The following CNTLN variants were observed in gnomAD, a reference collection of about 807,000 sequenced individuals.
CNTLN encodes the protein centlein, centrosomal protein.
CNTLN carries 212 observed loss-of-function variants against 180.0 expected under a neutral mutation model. That is an observed-to-expected ratio of 1.18 (90% CI 1.05 to 1.32). The LOEUF (loss-of-function observed/expected upper bound fraction) is 1.32, where lower values mean the gene tolerates loss of function less well. Among genes scored for constraint, CNTLN ranks in the 40% most tolerant of loss-of-function variants. The pLI, the probability that CNTLN is intolerant of heterozygous loss-of-function variation, is 0.00. For missense variants in CNTLN, 2,095 were observed against 1,610.9 expected, an observed-to-expected ratio of 1.30 and a Z score of -5.14; for synonymous variants, 722 against 563.1, an observed-to-expected ratio of 1.28 and a Z score of -3.99.
At chr9:17,392,499 A>G (rs985964210) in intron 14 of CNTLN, among the ~76,000 whole-genome samples, 3 of 152,176 alleles carry the variant, frequency 2.0e-5, no homozygotes, top group Non-Finnish European at 4.4e-5. Context: ...ATTTTTTGTC[A>G]TATTAATCAG....
At chr9:17,293,488 C>T (rs1462032432) in intron 6 of CNTLN, among the ~76,000 whole-genome samples, 1 of 152,214 alleles carries the variant, frequency 6.6e-6, no homozygotes, top group Admixed American at 6.5e-5. Flanking sequence ...GAAATTCCTG[C>T]AGGAAGGTCC....
At chr9:17,201,370 C>G (rs1418808718) in intron 2 of CNTLN, among the ~76,000 whole-genome samples, 1 of 152,066 alleles carries the variant, frequency 6.6e-6, no homozygotes, top group Non-Finnish European at 1.5e-5. Context: ...GGGAGGAGTC[C>G]CTCTTTTTCT....
In CNTLN at chr9:17,236,588, G is replaced by T. The variant is rs1412261956; in HGVS notation, c.849G>T (p.Lys283Asn). The change falls in exon 5 of 26, where the codon AAG (lysine) becomes AAT (asparagine). Residue 283 changes from lysine (K) to asparagine (N), a missense_variant and splice_region_variant. Lys to Asn is a moderately conservative substitution (Grantham distance 94). Transcript: ENST00000380647. ...AATATAGCACTGATGCAAAAATAAA[G>T]GTATACAATAGGAATGGAATCCATA... ...KEKYSTDAKIKTFEDNLIEAR... is the reference protein window; with the variant it reads ...KEKYSTDAKINTFEDNLIEAR... The T allele has an allele frequency of 6.3e-7, 1 of 1,599,242 alleles. No individual in the cohort carries two copies. Among genetic ancestry groups the T allele is most frequent in the Non-Finnish European group, 8.5e-7 (1 of 1,174,160 alleles).
chr9:17,246,232 G>C (rs1825789101), intron 5 of CNTLN, among the ~76,000 whole-genome samples: 1 of 152,070 alleles, frequency 6.6e-6, no homozygotes, highest in African/African-American at 2.4e-5. Flanking sequence ...CTATGTCTTT[G>C]GTCATTGTAG....
intron 5 of CNTLN, among the ~76,000 whole-genome samples, chr9:17,261,765 G>A (rs960854427): frequency 1.8e-4 from 27 of 151,420 alleles, no homozygotes; most frequent in Non-Finnish European, 2.8e-4. Context: ...GTTCTGCACA[G>A]CAGAAGAAAC....
At chr9:17,424,288 A>C (rs1032510136) in intron 18 of CNTLN, among the ~76,000 whole-genome samples, 2 of 152,210 alleles carry the variant, frequency 1.3e-5, no homozygotes, top group African/African-American at 4.8e-5. Flanking sequence ...TTACTCTTCC[A>C]GTTTGAATGA....
intron 18 of CNTLN, among the ~76,000 whole-genome samples, chr9:17,430,244 C>A (rs542871011): frequency 6.6e-6 from 1 of 151,946 alleles, no homozygotes; most frequent in African/African-American, 2.4e-5. Context: ...TATTCCTGTT[C>A]CAGTCCGTGT....
chr9:17,383,751 T>C (rs1364085439), intron 13 of CNTLN, among the ~76,000 whole-genome samples: 1 of 151,654 alleles, frequency 6.6e-6, no homozygotes, highest in African/African-American at 2.4e-5. Flanking sequence ...CATTCTCCTG[T>C]CTCAGCCTCC....
chr9:17,170,546 T>G (rs560834958), intron 2 of CNTLN, among the ~76,000 whole-genome samples: 63 of 152,236 alleles, frequency 4.1e-4, no homozygotes, highest in Admixed American at 8.5e-4. Flanking sequence ...TTTCAAATTA[T>G]CTGTTTTTCA....
intron 18 of CNTLN, among the ~76,000 whole-genome samples, chr9:17,422,302 G>C (rs1027604437): frequency 1.3e-5 from 2 of 151,880 alleles, no homozygotes; most frequent in Non-Finnish European, 2.9e-5. Context: ...CTGCTCTTAG[G>C]ATCCTTTCTT....
At chr9:17,210,665 C>T (rs1410533883) in intron 2 of CNTLN, among the ~76,000 whole-genome samples, 1 of 152,228 alleles carries the variant, frequency 6.6e-6, no homozygotes, top group Non-Finnish European at 1.5e-5. Context: ...AACTAGTTTA[C>T]AGTCCCACCA....
rs1384048227 is a variant in CNTLN, at chr9:17,135,217, A to G, written c.152A>G (p.Asp51Gly). The change falls in exon 1 of 26, where the codon GAC becomes GGC. Residue 51 changes from aspartate (D) to glycine (G), a missense_variant. Physicochemically the swap from Asp to Gly is moderately conservative, Grantham distance 94. Coordinates refer to ENST00000380647, the MANE Select transcript of CNTLN (RefSeq NM_017738.4). ...FAGAAREVVA[D>G]ESDKIWVGEE... ...GGCGCAGCGCGGGAGGTGGTCGCGG[A>G]CGAAAGTGATAAAATCTGGGTGGGT... 1.2e-6 allele frequency: 2 copies of G among 1,610,350 alleles called. No homozygotes were observed. The highest frequency in any genetic ancestry group is 1.7e-6 in the Non-Finnish European group (2 of 1,178,782).
intron 12 of CNTLN, among the ~76,000 whole-genome samples, chr9:17,348,241 C>G (rs1313645761): frequency 5.9e-5 from 9 of 152,124 alleles, no homozygotes; most frequent in African/African-American, 1.9e-4. Context: ...AAGCTTTACA[C>G]CATCATAAAG....
chr9:17,288,339 G>C (rs1829129443), intron 6 of CNTLN, among the ~76,000 whole-genome samples: 1 of 118,004 alleles, frequency 8.5e-6, no homozygotes, highest in South Asian at 3.9e-4. Context: ...TCTTAATCCT[G>C]AGTTCTAGTT....
In CNTLN at chr9:17,298,175, G is replaced by T; in HGVS notation, c.984-15G>T. The T allele has an allele frequency of 1.4e-6, 2 of 1,416,912 alleles. No homozygotes were observed. Among genetic ancestry groups the T allele is most frequent in the Non-Finnish European group, 1.9e-6 (2 of 1,078,434 alleles). The allele number at this position is 1,416,912 out of a possible 1,614,324, so 87.8% of individuals were successfully genotyped here. ...TTATCCATACTTTTCTCTATTTATT[G>T]CTTGCTTTGCACAGGAAGGAACTGC... On this transcript the variant is annotated splice_polypyrimidine_tract_variant and intron_variant, in intron 6 of 25. Transcript: ENST00000380647.
chr9:17,203,771 A>G (rs1190210057), intron 2 of CNTLN, among the ~76,000 whole-genome samples: 2 of 152,078 alleles, frequency 1.3e-5, no homozygotes, highest in Non-Finnish European at 2.9e-5. Flanking sequence ...GTTAGCCAGG[A>G]TGGTCTTGAT....
At chr9:17,300,983 G>A in intron 7 of CNTLN, 1 of 983,532 alleles carries the variant, frequency 1.0e-6, no homozygotes, top group Non-Finnish European at 1.2e-6. Context: ...ACATTAAATG[G>A]TAGAAGCAAG....
chr9:17,358,302 A>T (rs190209291), intron 12 of CNTLN, among the ~76,000 whole-genome samples: 30 of 152,226 alleles, frequency 2.0e-4, no homozygotes, highest in Middle Eastern at 3.4e-3. Context: ...CATAAACTAG[A>T]TCTAAACTTA....
intron 18 of CNTLN, among the ~76,000 whole-genome samples, chr9:17,418,463 C>G (rs1434610773): frequency 1.3e-5 from 2 of 151,934 alleles, no homozygotes; most frequent in Non-Finnish European, 1.5e-5. Context: ...TGGAAGATGT[C>G]AAGATCCCAG....
Sources: gnomAD v4.1 joint callset for allele counts (sites outside exome capture counted in the v4.1 genomes callset) on GRCh38, gnomAD v4.1.1 for gene constraint, MANE v1.5 for transcripts, NCBI Gene and HGNC (gene_info 2026-07-23, HGNC 2026-07-21) for gene names.